Variants in RFXAP observed in about 807,000 individuals in gnomAD.
The protein encoded by RFXAP is regulatory factor X-associated protein.
In RFXAP, 21 loss-of-function variants were observed where a neutral mutation model predicts 25.7. That is an observed-to-expected ratio of 0.82 (90% CI 0.58 to 1.18). RFXAP has a LOEUF of 1.18. RFXAP is among the 50% of genes most tolerant of loss of function. The probability of loss-of-function intolerance (pLI) is 0.00; values close to 1 mark genes in which losing one functional copy is unlikely to be tolerated. For missense variants in RFXAP, 333 were observed against 363.0 expected (o/e 0.92, Z 0.67); for synonymous variants, 161 against 152.2 (o/e 1.06, Z -0.43).
intron 1 of RFXAP, among the ~76,000 whole-genome samples, chr13:36,821,859 T>G (rs1201749930): frequency 6.6e-6 from 1 of 152,124 alleles, no homozygotes; most frequent in Non-Finnish European, 1.5e-5. Flanking sequence ...ACTTTAATTT[T>G]GCATACTAAT....
Position 36,819,254 on chromosome 13 carries a change from G to T in RFXAP, c.-104G>T, listed in dbSNP as rs554313459. 4.8e-5 allele frequency: 55 copies of T among 1,145,262 alleles called. No homozygotes were observed. Among genetic ancestry groups the T allele is most frequent in the Non-Finnish European group, 5.5e-5 (50 of 915,034 alleles). 70.9% of individuals were successfully genotyped at this position (1,145,262 alleles called of 1,614,324 possible). ...GTCGGGGCGCCTTCCCGGTATAGGCGCCTTTTACCCCAGCGTGTCCTGAGT... is the reference window on the plus strand; with the variant it reads ...GTCGGGGCGCCTTCCCGGTATAGGCTCCTTTTACCCCAGCGTGTCCTGAGT... On this transcript the variant is annotated 5_prime_UTR_variant, in exon 1 of 3. Coordinates refer to ENST00000255476, the MANE Select transcript of RFXAP (RefSeq NM_000538.4).
rs973913065 is a variant in RFXAP, at chr13:36,828,168, G to A, written c.*415G>A. Reference sequence around the variant, plus strand: ...GAAAACCACTGGCTTTTAGTGAGTGGCCAGGAATGCTAAATGTTCTGCAGT... The same window carrying A: ...GAAAACCACTGGCTTTTAGTGAGTGACCAGGAATGCTAAATGTTCTGCAGT... On this transcript the variant is annotated 3_prime_UTR_variant, in exon 3 of 3. Coordinates refer to ENST00000255476, the MANE Select transcript of RFXAP (RefSeq NM_000538.4). The A allele has an allele frequency of 1.6e-5, 3 of 192,970 alleles. No individual in the cohort carries two copies. Among genetic ancestry groups the A allele is most frequent in the African/African-American group, 7.2e-5 (3 of 41,868 alleles). The allele number at this position is 192,970 out of a possible 1,614,324, so 12.0% of individuals were successfully genotyped here.
intron 1 of RFXAP, 52 bp downstream of exon 1, chr13:36,820,009 T>C: frequency 6.3e-7 from 1 of 1,597,148 alleles, no homozygotes; most frequent in Non-Finnish European, 8.5e-7. Context: ...AGAAACCCGA[T>C]CTTAACGCAA....
chr13:36,827,562 GA>G, intron 2 of RFXAP, 80 bp from the exon 3 acceptor site: 1 of 978,912 alleles, frequency 1.0e-6, no homozygotes, highest in South Asian at 1.4e-5. Context: ...CATATGTAGG[GA>G]CACATCAGAG....
rs1458873492 is a variant in RFXAP, at chr13:36,819,837, G to C, written c.480G>C (p.Trp160Cys). The C allele has an allele frequency of 6.2e-7, 1 of 1,606,448 alleles. No individual in the cohort carries two copies. The highest frequency in any genetic ancestry group is 1.7e-5 in the Admixed American group (1 of 58,892). Reference sequence around the variant, plus strand: ...AGGTGGCCAAGCAGCGCAAACCGTGGATGTGCAAGAAACACCGCAACAAGA... The same window carrying C: ...AGGTGGCCAAGCAGCGCAAACCGTGCATGTGCAAGAAACACCGCAACAAGA... ...TSQVAKQRKP[W>C]MCKKHRNKMY... The change falls in exon 1 of 3, where the codon TGG becomes TGC. Residue 160 changes from tryptophan to cysteine, a missense_variant. By Grantham distance (215) the Trp-to-Cys change is radical. Coordinates refer to ENST00000255476, the MANE Select transcript of RFXAP (RefSeq NM_000538.4).
At chr13:36,821,477 A>G (rs2057962613) in intron 1 of RFXAP, among the ~76,000 whole-genome samples, 1 of 152,008 alleles carries the variant, frequency 6.6e-6, no homozygotes, top group Non-Finnish European at 1.5e-5. Flanking sequence ...CCTGGGTAAC[A>G]TAGGGAGACC....
At chr13:36,821,707 T>G (rs1331268027) in intron 1 of RFXAP, among the ~76,000 whole-genome samples, 6 of 152,164 alleles carry the variant, frequency 3.9e-5, no homozygotes, top group Non-Finnish European at 8.8e-5. Context: ...AATTTGCAGT[T>G]GCCAGTGTGT....
At chr13:36,825,029 C>G (rs1357988978) in intron 1 of RFXAP, among the ~76,000 whole-genome samples, 1 of 152,056 alleles carries the variant, frequency 6.6e-6, no homozygotes, top group Non-Finnish European at 1.5e-5. Flanking sequence ...ATGTTTCGGC[C>G]TGGATAGCAT....
In RFXAP at chr13:36,819,365, CG is replaced by C. The variant is rs1262504438; in HGVS notation, c.9del (p.Gln4ArgfsTer3). On this transcript the variant is annotated frameshift_variant, in exon 1 of 3. Coordinates refer to ENST00000255476, the MANE Select transcript of RFXAP (RefSeq NM_000538.4). LOFTEE classifies it high-confidence loss of function. MEAQGVAEGAGPG... is the reference protein window; with the variant it reads MEXQGVAEGAGPG... ...CGGCCAGGTCTTAGCAGCATGGAGGCGCAGGGTGTAGCGGAGGGCGCGGGGC... is the reference window on the plus strand; with the variant it reads ...CGGCCAGGTCTTAGCAGCATGGAGGCCAGGGTGTAGCGGAGGGCGCGGGGC... 1 of 1,271,804 alleles carries C rather than the reference CG, an allele frequency of 7.9e-7. No individual in the cohort carries two copies. Among genetic ancestry groups the C allele is most frequent in the Non-Finnish European group, 9.9e-7 (1 of 1,008,972 alleles). The allele number at this position is 1,271,804 out of a possible 1,614,324, so 78.8% of individuals were successfully genotyped here.
Position 36,827,653 on chromosome 13 carries a change from G to A in RFXAP, c.719G>A (p.Arg240Lys), listed in dbSNP as rs2057982517. 6.2e-7 allele frequency: 1 copy of A among 1,613,252 alleles called. No homozygotes were observed. Among genetic ancestry groups the A allele is most frequent in the Non-Finnish European group, 8.5e-7 (1 of 1,179,472 alleles). Residue 240 changes from arginine (R) to lysine (K), a missense_variant, in exon 3 of 3, where the codon AGA becomes AAA. By Grantham distance (26) the Arg-to-Lys change is conservative. Coordinates refer to ENST00000255476, the MANE Select transcript of RFXAP (RefSeq NM_000538.4). ...VLNQKRLSLLRSPEVVQFLQK... is the reference protein window; with the variant it reads ...VLNQKRLSLLKSPEVVQFLQK... ...TCTTTTCTTTCTAAGTCGTTACTAA[G>A]AAGTCCAGAAGTAGTGCAATTTTTA...
Position 36,827,687 on chromosome 13 carries a change from G to GCT in RFXAP, c.754_755insTC (p.Gln252LeufsTer5). On this transcript the variant is annotated frameshift_variant, in exon 3 of 3. Coordinates refer to ENST00000255476, the MANE Select transcript of RFXAP (RefSeq NM_000538.4). LOFTEE classifies it high-confidence loss of function. ...AAGTAGTGCAATTTTTACAGAAACAGCAACAGCTATTAAATCAGCAAGTTT... is the reference window on the plus strand; with the variant it reads ...AAGTAGTGCAATTTTTACAGAAACAGCTCAACAGCTATTAAATCAGCAAGTTT... 6.2e-7 allele frequency: 1 copy of GCT among 1,613,774 alleles called. No homozygotes were observed. The highest frequency in any genetic ancestry group is 8.5e-7 in the Non-Finnish European group (1 of 1,179,840).
intron 1 of RFXAP, among the ~76,000 whole-genome samples, chr13:36,824,615 C>G (rs552305581): frequency 1.3e-5 from 2 of 152,226 alleles, no homozygotes; most frequent in South Asian, 2.1e-4. Flanking sequence ...GGTATTGTGG[C>G]ATAGTTTTGT....
chr13:36,821,648 C>T (rs2057963279), intron 1 of RFXAP, among the ~76,000 whole-genome samples: 1 of 152,082 alleles, frequency 6.6e-6, no homozygotes, highest in Admixed American at 6.6e-5. Flanking sequence ...GGTGACAGAG[C>T]AAGACTTTGT....
chr13:36,824,804 C>T (rs1453171699), intron 1 of RFXAP, among the ~76,000 whole-genome samples: 1 of 152,072 alleles, frequency 6.6e-6, no homozygotes, highest in East Asian at 1.9e-4. Flanking sequence ...CTGTTTTGTT[C>T]ATACAGTTGG....
chr13:36,819,561 C>G lies in RFXAP; in HGVS notation c.204C>G (p.Gly68=). The change falls in exon 1 of 3, where the codon GGC becomes GGG. Residue 68 remains glycine, a synonymous_variant. Transcript: ENST00000255476. The part of the protein sequence containing the change: ...AAAPGGSVGA[G]KPVRYLCEGA... ...CCCCCGGGGGCAGCGTTGGGGCGGG[C>G]AAGCCCGTTAGGTACCTGTGCGAAG... The G allele has an allele frequency of 6.6e-7, 1 of 1,524,446 alleles. No homozygotes were observed. The highest frequency in any genetic ancestry group is 8.8e-7 in the Non-Finnish European group (1 of 1,133,546). 94.4% of individuals were successfully genotyped at this position (1,524,446 alleles called of 1,614,324 possible). A position where few individuals can be genotyped will look rare whatever the true frequency, so the allele number is the denominator to read the frequency against.
intron 2 of RFXAP, 105 bp from the exon 3 acceptor site, chr13:36,827,538 T>G (rs2057981898): frequency 1.2e-6 from 1 of 807,220 alleles, no homozygotes; most frequent in Non-Finnish European, 2.0e-6. Flanking sequence ...CATATTCTTG[T>G]GAACATATTG....
chr13:36,820,045 C>G, intron 1 of RFXAP, 88 bp downstream of exon 1: 1 of 1,553,480 alleles, frequency 6.4e-7, no homozygotes, highest in Non-Finnish European at 8.7e-7. Flanking sequence ...CCTGCCTCCC[C>G]ACTTCCAAAT....
intron 1 of RFXAP, among the ~76,000 whole-genome samples, chr13:36,824,658 A>G (rs757446296): frequency 6.6e-6 from 1 of 152,144 alleles, no homozygotes; most frequent in Non-Finnish European, 1.5e-5. Flanking sequence ...ACTAAACAAT[A>G]TTTTGTTATG....
rs1295084159 is a variant in RFXAP at position 36,828,386 on chromosome 13, A to G, written c.*633A>G. 2 of 152,288 alleles carry G rather than the reference A, an allele frequency of 1.3e-5. No homozygotes were observed. Among genetic ancestry groups the G allele is most frequent in the East Asian group, 3.8e-4 (2 of 5,200 alleles). The allele number at this position is 152,288 out of a possible 1,614,324, so 9.4% of individuals were successfully genotyped here. On this transcript the variant is annotated 3_prime_UTR_variant, in exon 3 of 3. Coordinates refer to ENST00000255476, the MANE Select transcript of RFXAP (RefSeq NM_000538.4). ...AAGCACATTTTATATAGACGTAAGG[A>G]AAGTGATTATTGTTTAATATCTGTG...
Sources: allele counts gnomAD v4.1 joint callset (sites outside exome capture counted in the v4.1 genomes callset), GRCh38; gene constraint gnomAD v4.1.1; transcripts MANE v1.5; gene names NCBI Gene and HGNC (gene_info 2026-07-23, HGNC 2026-07-21).